Variants in TM2D1 observed in about 807,000 individuals in gnomAD.
The protein encoded by TM2D1 is TM2 domain-containing protein 1.
Under a neutral mutation model 28.4 loss-of-function variants are expected in TM2D1, and 15 were observed. The ratio of observed to expected loss-of-function variants is 0.53; its 90% CI spans 0.35 to 0.81. The LOEUF (loss-of-function observed/expected upper bound fraction) is 0.81, where lower values mean the gene tolerates loss of function less well. TM2D1 is among the 40% of genes least tolerant of loss of function. The pLI, the probability that TM2D1 is intolerant of heterozygous loss-of-function variation, is 0.01. For synonymous variants in TM2D1, 93 were observed against 96.2 expected, an observed-to-expected ratio of 0.97 and a Z score of 0.20; for missense variants, 236 against 254.9, an observed-to-expected ratio of 0.93 and a Z score of 0.50.
chr1:61,719,602 C>T lies in TM2D1; in HGVS notation c.238+4111G>A, dbSNP rs188906995. ...CCACCTCCCGGGTTCAAGCAATTCT[C>T]CTGCTTCAGCCTCCCAAGTAGCTGG... is the stretch of plus-strand genomic sequence containing the variant. On this transcript the variant is annotated intron_variant, in intron 2 of 6. Transcript: ENST00000606498. 1.2e-4 allele frequency among the ~76,000 whole-genome samples: 19 copies of T among 152,304 alleles called. No homozygotes were observed. In the East Asian group the frequency reaches 3.7e-3, roughly 29 times the overall value.
intron 5 of TM2D1, among the ~76,000 whole-genome samples, chr1:61,689,815 A>T (rs985287150): frequency 2.0e-5 from 3 of 152,220 alleles, no homozygotes; most frequent in African/African-American, 7.2e-5. Flanking sequence ...ATAGTTTATC[A>T]TATCAACTTT....
chr1:61,714,701 T>G (rs7550631), intron 2 of TM2D1, among the ~76,000 whole-genome samples: 26,946 of 152,120 alleles, frequency 0.18, 2,999 homozygotes, highest in Non-Finnish European at 0.25. Context: ...ACTATAGGTG[T>G]GTGCCACCAA....
In TM2D1 at chr1:61,723,726, G is replaced by T; in HGVS notation, c.225C>A (p.Asn75Lys). 1.3e-6 allele frequency: 2 copies of T among 1,550,368 alleles called. No homozygotes were observed. The highest frequency in any genetic ancestry group is 8.8e-7 in the Non-Finnish European group (1 of 1,139,810). The change falls in exon 2 of 7, where the codon AAC becomes AAA. Residue 75 changes from asparagine to lysine, a missense_variant. By Grantham distance (94) the Asn-to-Lys change is moderately conservative (BLOSUM62 0). This residue lies in a region of TM2D1 where 167 missense variants were observed against 162.7 expected (regional missense o/e 1.03). Coordinates refer to ENST00000606498, the MANE Select transcript of TM2D1 (RefSeq NM_032027.3). Reference sequence around the variant, plus strand: ...TTGAAGTCTTACCATGAGCTGTGTAGTTTGTACAGTTAACTGGTTCTTGCG... The same window carrying T: ...TTGAAGTCTTACCATGAGCTGTGTATTTTGTACAGTTAACTGGTTCTTGCG... Reference protein sequence around the residue: ...DATQEPVNCTNYTAHVSCFPA... With the variant: ...DATQEPVNCTKYTAHVSCFPA...
chr1:61,717,711 T>C (rs903145855), intron 2 of TM2D1, among the ~76,000 whole-genome samples: 15 of 151,878 alleles, frequency 9.9e-5, no homozygotes, highest in Non-Finnish European at 1.8e-4. Context: ...ATAGCCAGGA[T>C]TACAGGCACA....
rs1570111569 is a variant in TM2D1 at position 61,703,561 on chromosome 1, T to A, written c.348-2536A>T. Among the ~76,000 whole-genome samples, 5 of 145,144 alleles carry A rather than the reference T, an allele frequency of 3.4e-5. No homozygotes were observed. The Admixed American group carries it at 3.5e-4, about 10-fold the overall frequency. On this transcript the variant is annotated intron_variant, in intron 3 of 6. Transcript: ENST00000606498. The stretch of plus-strand genomic sequence containing the variant: ...CCAAGTAGCTGGGATTACAGGCATG[T>A]GCCACCACACCCAGCTAATTTTTGT...
chr1:61,686,498 A>G (rs1270751768), intron 5 of TM2D1, among the ~76,000 whole-genome samples: 1 of 152,086 alleles, frequency 6.6e-6, no homozygotes. Flanking sequence ...ATCTACAAAA[A>G]AAAAAAATAC....
chr1:61,688,303 G>A (rs909551738), intron 5 of TM2D1, among the ~76,000 whole-genome samples: 1 of 152,028 alleles, frequency 6.6e-6, no homozygotes, highest in African/African-American at 2.4e-5. Context: ...ACCTAATTAA[G>A]GTCACATGAC....
intron 1 of TM2D1, chr1:61,724,201 G>T (rs6698656): frequency 0.13 from 20,598 of 152,896 alleles, 1,766 homozygotes; most frequent in Non-Finnish European, 0.19. Flanking sequence ...ATGGTGAGGG[G>T]GATGCGGATC....
At chr1:61,691,382 C>A (rs2148037687) in intron 5 of TM2D1, among the ~76,000 whole-genome samples, 1 of 150,600 alleles carries the variant, frequency 6.6e-6, no homozygotes, top group African/African-American at 2.4e-5. Flanking sequence ...GTAATCCCAG[C>A]TACTTGGGAG....
intron 3 of TM2D1, among the ~76,000 whole-genome samples, chr1:61,702,367 A>G (rs1472722579): frequency 6.7e-6 from 1 of 149,874 alleles, no homozygotes; most frequent in East Asian, 2.0e-4. Context: ...GTTCAATTCA[A>G]TTTTATTTCT....
intron 5 of TM2D1, among the ~76,000 whole-genome samples, chr1:61,689,752 T>A (rs1223626017): frequency 6.6e-6 from 1 of 152,224 alleles, no homozygotes; most frequent in Non-Finnish European, 1.5e-5. Flanking sequence ...GACCCCATGT[T>A]ATCATACCTA....
intron 5 of TM2D1, among the ~76,000 whole-genome samples, chr1:61,687,501 T>A (rs1051431748): frequency 1.3e-5 from 2 of 152,194 alleles, no homozygotes; most frequent in Admixed American, 6.5e-5. Flanking sequence ...ATCTTGTTAG[T>A]GTAAAATGTA....
intron 5 of TM2D1, among the ~76,000 whole-genome samples, chr1:61,685,195 T>C (rs765892088): frequency 6.6e-6 from 1 of 152,204 alleles, no homozygotes; most frequent in South Asian, 2.1e-4. Context: ...GAAGAAGCAA[T>C]GTAAAAATTA....
chr1:61,694,707 A>G lies in TM2D1; in HGVS notation c.503T>C (p.Ile168Thr), dbSNP rs1644351754. Residue 168 changes from isoleucine to threonine, a missense_variant, in exon 5 of 7, where the codon ATT becomes ACT. Coordinates refer to ENST00000606498, the MANE Select transcript of TM2D1 (RefSeq NM_032027.3). ...GATTGAGAAACTTACCTGCATTGAA[A>G]TAAGAATGAAATCAATTAGGCTCCC... ...GIGSLIDFILISMQIVGPSDG... is the reference protein window; with the variant it reads ...GIGSLIDFILTSMQIVGPSDG... 5 of 1,602,164 alleles carry G rather than the reference A, an allele frequency of 3.1e-6. No individual in the cohort carries two copies. The highest frequency in any genetic ancestry group is 3.4e-6 in the Non-Finnish European group (4 of 1,174,130).
At chr1:61,711,393 T>C (rs967387260) in intron 2 of TM2D1, among the ~76,000 whole-genome samples, 18 of 151,242 alleles carry the variant, frequency 1.2e-4, no homozygotes, top group Non-Finnish European at 1.5e-5. Context: ...CTCACGCCTG[T>C]AATCCCAGCA....
intron 5 of TM2D1, among the ~76,000 whole-genome samples, chr1:61,684,481 G>A (rs1298875465): frequency 6.6e-6 from 1 of 152,110 alleles, no homozygotes; most frequent in Non-Finnish European, 1.5e-5. Flanking sequence ...ATTTCCCTGA[G>A]GTGTGAAAGC....
chr1:61,716,686 A>G (rs1644525098), intron 2 of TM2D1, among the ~76,000 whole-genome samples: 1 of 151,214 alleles, frequency 6.6e-6, no homozygotes, highest in African/African-American at 2.4e-5. Flanking sequence ...TGAATATAAC[A>G]TTGTGAGTGG....
intron 2 of TM2D1, among the ~76,000 whole-genome samples, chr1:61,711,678 T>C (rs1309348422): frequency 1.3e-5 from 2 of 152,150 alleles, no homozygotes; most frequent in African/African-American, 4.8e-5. Context: ...GCAATTGGTA[T>C]GTAGCTATTT....
chr1:61,723,966 A>G (rs867848822), intron 1 of TM2D1, among the ~76,000 whole-genome samples, 180 bp from the exon 2 acceptor site: 57 of 152,222 alleles, frequency 3.7e-4, no homozygotes, highest in African/African-American at 1.4e-3. Flanking sequence ...TACTTGAGGC[A>G]GGAGGATCAC....
Sources: gnomAD v4.1 joint callset for allele counts (sites outside exome capture counted in the v4.1 genomes callset) on GRCh38, gnomAD v4.1.1 for gene constraint, gnomAD v4.1.1 regional missense constraint, MANE v1.5 for transcripts, NCBI Gene and HGNC (gene_info 2026-07-23, HGNC 2026-07-21) for gene names.